Variants in KHDC4 observed in about 807,000 individuals in gnomAD.
KHDC4 encodes KH domain containing 4, pre-mRNA splicing factor, also known as KH homology domain-containing protein 4.
Under a neutral mutation model 74.5 loss-of-function variants are expected in KHDC4, and 19 were observed. The ratio of observed to expected loss-of-function variants is 0.26; its 90% CI spans 0.18 to 0.37. The LOEUF is 0.37. Ranked by LOEUF, KHDC4 falls within the 10% of genes least tolerant of loss-of-function variation. KHDC4 has a pLI of 1.00. For synonymous variants in KHDC4, 253 were observed against 266.1 expected, an observed-to-expected ratio of 0.95 and a Z score of 0.48; for missense variants, 632 against 754.1, an observed-to-expected ratio of 0.84 and a Z score of 1.90.
chr1:155,927,067 C>A, intron 5 of KHDC4, 37 bp downstream of exon 5: 1 of 1,601,176 alleles, frequency 6.2e-7, no homozygotes. Context: ...CTTTGCTCTT[C>A]ACAAAAAGTG....
rs1337224238 is a variant in KHDC4 at position 155,913,423 on chromosome 1, T to C, written c.*698A>G. On this transcript the variant is annotated 3_prime_UTR_variant, in exon 14 of 14. Coordinates refer to ENST00000368321, the MANE Select transcript of KHDC4 (RefSeq NM_014949.4). Reference sequence around the variant, plus strand: ...GACCAGTTTTAGTCAAGAAGTTTTCTCTGACCCAGCTGAAGACAGGATCTT... The same window carrying C: ...GACCAGTTTTAGTCAAGAAGTTTTCCCTGACCCAGCTGAAGACAGGATCTT... 6.6e-6 allele frequency: 1 copy of C among 152,426 alleles called. No individual in the cohort carries two copies. The highest frequency in any genetic ancestry group is 1.9e-4 in the East Asian group (1 of 5,346). 9.4% of individuals were successfully genotyped at this position (152,426 alleles called of 1,614,324 possible).
intron 10 of KHDC4, among the ~76,000 whole-genome samples, chr1:155,919,725 C>T (rs761427804): frequency 8.6e-5 from 13 of 151,636 alleles, no homozygotes; most frequent in Non-Finnish European, 1.9e-4. Flanking sequence ...GCAGGAGAAT[C>T]GCGTGAACCT....
In KHDC4 at chr1:155,917,655, A is replaced by C; in HGVS notation, c.1284T>G (p.Pro428=). 6.4e-7 allele frequency: 1 copy of C among 1,569,422 alleles called. No homozygotes were observed. The highest frequency in any genetic ancestry group is 8.6e-7 in the Non-Finnish European group (1 of 1,161,720). Residue 428 remains proline (P), a synonymous_variant, in exon 11 of 14, where the codon CCT becomes CCG. Coordinates refer to ENST00000368321, the MANE Select transcript of KHDC4 (RefSeq NM_014949.4). ...ASTGQSPMGG[P]FIPAAPVKTA... is the part of the protein sequence containing the mutation. ...TTTTGACAGGAGCAGCAGGAATAAA[A>C]GGACCACCCATCGGACTCTGGGACC...
At position 155,929,281 on chromosome 1, in the gene KHDC4, T is replaced by A; in HGVS notation, c.464+15A>T. 3 of 1,594,366 alleles carry A rather than the reference T, an allele frequency of 1.9e-6. No homozygotes were observed. The highest frequency in any genetic ancestry group is 2.6e-6 in the Non-Finnish European group (3 of 1,162,248). ...ACACCCAACCCTTCCATAAACAAGA[T>A]AAGAGAATACGCACCCTGGTCCCAC... On this transcript the variant is annotated intron_variant, in intron 4 of 13. Transcript: ENST00000368321.
At chr1:155,925,605 C>T (rs1553230960) in intron 7 of KHDC4, 27 bp downstream of exon 7, 1 of 1,587,200 alleles carries the variant, frequency 6.3e-7, no homozygotes, top group Non-Finnish European at 8.7e-7. Context: ...CAAGAATTCA[C>T]ATGTCCCCTG....
Position 155,921,474 on chromosome 1 carries a change from T to A in KHDC4, c.1167A>T (p.Ser389=), listed in dbSNP as rs1438578810. Residue 389 remains serine (S), a synonymous_variant, in exon 10 of 14, where the codon TCA becomes TCT. Transcript: ENST00000368321. ...ATGCCGGCAAGACTCCAGGTGCTAATGAAACAGCTGGTGGCACTATGCTTG... is the reference window on the plus strand; with the variant it reads ...ATGCCGGCAAGACTCCAGGTGCTAAAGAAACAGCTGGTGGCACTATGCTTG... ...GVPSIVPPAV[S]LAPGVLPALP... is the part of the protein sequence containing the mutation. 4 of 1,613,998 alleles carry A rather than the reference T, an allele frequency of 2.5e-6. No homozygotes were observed. Among genetic ancestry groups the A allele is most frequent in the South Asian group, 1.1e-5 (1 of 91,086 alleles).
intron 8 of KHDC4, 23 bp downstream of exon 8, chr1:155,923,604 A>G (rs1673917105): frequency 6.3e-7 from 1 of 1,575,522 alleles, no homozygotes; most frequent in Non-Finnish European, 8.7e-7. Flanking sequence ...CTTCTGAATG[A>G]GTATCAGACA....
chr1:155,923,191 A>G (rs1284644919), intron 8 of KHDC4, among the ~76,000 whole-genome samples: 5 of 151,994 alleles, frequency 3.3e-5, no homozygotes, highest in Non-Finnish European at 7.4e-5. Context: ...GGCGACAGAA[A>G]AAAAAAAAAA....
intron 7 of KHDC4, among the ~76,000 whole-genome samples, chr1:155,924,558 T>C (rs371248642): frequency 4.2e-4 from 62 of 147,950 alleles, no homozygotes; most frequent in African/African-American, 1.4e-3. Context: ...TTCCGTCTCC[T>C]AATTCAATAA....
intron 8 of KHDC4, 22 bp downstream of exon 8, chr1:155,923,605 G>GT (rs1673917209): frequency 6.3e-7 from 1 of 1,581,978 alleles, no homozygotes; most frequent in Non-Finnish European, 8.7e-7. Context: ...TTCTGAATGA[G>GT]TATCAGACAA....
intron 6 of KHDC4, chr1:155,926,430 A>C: frequency 4.2e-6 from 2 of 475,524 alleles, no homozygotes; most frequent in Non-Finnish European, 7.7e-6. Flanking sequence ...CCCGGCTTCA[A>C]GCAATTCTCC....
chr1:155,922,857 G>A (rs543585087), intron 8 of KHDC4, among the ~76,000 whole-genome samples: 19 of 152,282 alleles, frequency 1.2e-4, no homozygotes, highest in Non-Finnish European at 2.2e-4. Context: ...TAAGGCACCA[G>A]AGAACACAAG....
At position 155,916,680 on chromosome 1, in the gene KHDC4, C is replaced by T. The variant is rs945016160; in HGVS notation, c.1498G>A (p.Glu500Lys). 6.2e-7 allele frequency: 1 copy of T among 1,613,944 alleles called. No homozygotes were observed. Among genetic ancestry groups the T allele is most frequent in the African/African-American group, 1.3e-5 (1 of 74,938 alleles). Residue 500 changes from glutamate (E) to lysine (K), a missense_variant, in exon 12 of 14, where the codon GAA becomes AAA. This residue lies in a region of KHDC4 where 254 missense variants were observed against 267.4 expected (regional missense o/e 0.95). Coordinates refer to ENST00000368321, the MANE Select transcript of KHDC4 (RefSeq NM_014949.4). ...GTGFSSQNEI[E>K]GAGSKPASSS... Reference sequence around the variant, plus strand: ...CTTGCTGGCTTCGATCCTGCACCTTCAATCTCATTCTGACTGGAGAAGCCT... The same window carrying T: ...CTTGCTGGCTTCGATCCTGCACCTTTAATCTCATTCTGACTGGAGAAGCCT...
At chr1:155,920,828 T>TA (rs1673846795) in intron 10 of KHDC4, among the ~76,000 whole-genome samples, 3 of 152,218 alleles carry the variant, frequency 2.0e-5, no homozygotes, top group African/African-American at 7.2e-5. Context: ...TTTGAAATGC[T>TA]AACTCAGTTC....
chr1:155,914,613 G>A (rs911999575), intron 13 of KHDC4: 6 of 328,960 alleles, frequency 1.8e-5, no homozygotes, highest in Non-Finnish European at 3.3e-5. Context: ...TCTCTTGAGG[G>A]CTGATATTTC....
intron 2 of KHDC4, among the ~76,000 whole-genome samples, chr1:155,933,166 T>C (rs1674179685): frequency 6.6e-6 from 1 of 152,196 alleles, no homozygotes; most frequent in Admixed American, 6.5e-5. Flanking sequence ...CAAAAACGCC[T>C]CGTAAATATG....
At chr1:155,922,934 G>A (rs1029441062) in intron 8 of KHDC4, among the ~76,000 whole-genome samples, 3 of 152,150 alleles carry the variant, frequency 2.0e-5, no homozygotes, top group Admixed American at 6.5e-5. Context: ...GGCCGGGCGC[G>A]GTGGCTCACG....
intron 1 of KHDC4, among the ~76,000 whole-genome samples, 194 bp downstream of exon 1, chr1:155,934,142 C>T (rs2102612537): frequency 6.6e-6 from 1 of 152,282 alleles, no homozygotes; most frequent in South Asian, 2.1e-4. Flanking sequence ...TCCAAAAGTC[C>T]CCGTTTGCCT....
At position 155,916,543 on chromosome 1, in the gene KHDC4, A is replaced by C. The variant is rs551034030; in HGVS notation, c.1553+82T>G. ...TTTCATTTCAGTTTCAGAATACTTAAGCTCATAGCAATGATCATTACTCTC... is the reference window on the plus strand; with the variant it reads ...TTTCATTTCAGTTTCAGAATACTTACGCTCATAGCAATGATCATTACTCTC... On this transcript the variant is annotated intron_variant, in intron 12 of 13. Transcript: ENST00000368321. 3.4e-6 allele frequency: 3 copies of C among 889,092 alleles called. No individual in the cohort carries two copies. In the African/African-American group the frequency reaches 5.0e-5, roughly 15 times the overall value. The allele number at this position is 889,092 out of a possible 1,614,324, so 55.1% of individuals were successfully genotyped here. A position where few individuals can be genotyped will look rare whatever the true frequency, so the allele number is the denominator to read the frequency against.
Sources: allele counts gnomAD v4.1 joint callset (sites outside exome capture counted in the v4.1 genomes callset), GRCh38; gene constraint gnomAD v4.1.1; regional missense constraint gnomAD v4.1.1; transcripts MANE v1.5; gene names NCBI Gene and HGNC (gene_info 2026-07-23, HGNC 2026-07-21).